Variants in PMS1 observed in about 807,000 individuals in gnomAD.
PMS1 encodes the protein PMS1 homolog 1, mismatch repair system component.
A neutral mutation model predicts 93.1 loss-of-function variants in PMS1; 79 were observed. The observed-to-expected ratio is 0.85, with a 90% CI of 0.71 to 1.02. PMS1 has a LOEUF of 1.02. Ranked by LOEUF, PMS1 falls within the 50% of genes least tolerant of loss-of-function variation. The pLI is 0.00. For synonymous variants in PMS1, 335 were observed against 363.4 expected, an observed-to-expected ratio of 0.92 and a Z score of 0.89; for missense variants, 1,064 against 1,085.3, an observed-to-expected ratio of 0.98 and a Z score of 0.28.
intron 5 of PMS1, among the ~76,000 whole-genome samples, chr2:189,836,881 G>A (rs542903072): frequency 1.3e-3 from 198 of 152,162 alleles, no homozygotes; most frequent in Middle Eastern, 3.4e-3. Context: ...ATCTTTTTAC[G>A]GTTGTGTATA....
intron 5 of PMS1, among the ~76,000 whole-genome samples, chr2:189,820,668 C>G (rs185080091): frequency 1.8e-3 from 278 of 152,174 alleles, no homozygotes; most frequent in African/African-American, 6.3e-3. Flanking sequence ...TCCCATGTTT[C>G]AGAACAGTTA....
intron 5 of PMS1, among the ~76,000 whole-genome samples, chr2:189,824,898 C>T (rs1170110903): frequency 6.6e-6 from 1 of 152,046 alleles, no homozygotes; most frequent in African/African-American, 2.4e-5. Flanking sequence ...TCTCTTTGAA[C>T]ATTGAGTCCT....
chr2:189,785,794 A>G (rs934149558), intron 1 of PMS1, among the ~76,000 whole-genome samples: 3 of 152,206 alleles, frequency 2.0e-5, no homozygotes, highest in Non-Finnish European at 2.9e-5. Flanking sequence ...AGAGAGAACC[A>G]TGTGAGCTGA....
Position 189,854,604 on chromosome 2 carries a change from A to C in PMS1, c.1332A>C (p.Val444=), listed in dbSNP as rs534243480. 1 of 1,613,906 alleles carries C rather than the reference A, an allele frequency of 6.2e-7. No individual in the cohort carries two copies. Among genetic ancestry groups the C allele is most frequent in the African/African-American group, 1.3e-5 (1 of 75,044 alleles). The part of the protein sequence containing the change: ...NAFQDISMSN[V]SWENSQTEYS... ...TTCAGGACATTTCAATGAGTAATGT[A>C]TCATGGGAGAACTCTCAGACGGAAT... Residue 444 remains valine (V), a synonymous_variant, in exon 9 of 13, where the codon GTA becomes GTC. Coordinates refer to ENST00000441310, the MANE Select transcript of PMS1 (RefSeq NM_000534.5).
chr2:189,826,200 A>G (rs1482334910), intron 5 of PMS1, among the ~76,000 whole-genome samples: 2 of 152,120 alleles, frequency 1.3e-5, no homozygotes, highest in Non-Finnish European at 2.9e-5. Context: ...CATTTGGACC[A>G]ATGTTAAGGG....
intron 5 of PMS1, among the ~76,000 whole-genome samples, chr2:189,820,841 A>T (rs1401844206): frequency 6.6e-6 from 1 of 152,194 alleles, no homozygotes; most frequent in African/African-American, 2.4e-5. Flanking sequence ...TATTAAAGCT[A>T]TGGTAGAATG....
intron 5 of PMS1, among the ~76,000 whole-genome samples, chr2:189,833,892 C>A (rs183133733): frequency 2.8e-4 from 42 of 152,262 alleles, no homozygotes; most frequent in Admixed American, 2.5e-3. Context: ...TCAGAGACCA[C>A]CACAATCTTC....
intron 5 of PMS1, among the ~76,000 whole-genome samples, chr2:189,843,425 A>G (rs2053983731): frequency 6.6e-6 from 1 of 152,192 alleles, no homozygotes; most frequent in South Asian, 2.1e-4. Context: ...TCTCTATTTC[A>G]AAGGTACAAA....
chr2:189,793,723 AT>A (rs1205060782), intron 2 of PMS1, among the ~76,000 whole-genome samples: 1 of 152,216 alleles, frequency 6.6e-6, no homozygotes, highest in Admixed American at 6.5e-5. Flanking sequence ...TAAGTTAAAT[AT>A]TTTAATCTGG....
intron 3 of PMS1, among the ~76,000 whole-genome samples, chr2:189,798,578 G>A (rs1376405474): frequency 2.0e-5 from 3 of 152,078 alleles, no homozygotes; most frequent in African/African-American, 4.8e-5. Flanking sequence ...GGCATTGTCC[G>A]TTTTTCTCCT....
intron 7 of PMS1, among the ~76,000 whole-genome samples, chr2:189,853,520 CTT>C (rs397976954): frequency 9.9e-5 from 14 of 141,314 alleles, no homozygotes; most frequent in Middle Eastern, 3.6e-3. Flanking sequence ...CTTTTCTTTT[CTT>C]TTTTTTTTTT....
At chr2:189,801,941 C>T (rs2049927940) in intron 3 of PMS1, among the ~76,000 whole-genome samples, 1 of 152,196 alleles carries the variant, frequency 6.6e-6, no homozygotes, top group Non-Finnish European at 1.5e-5. Context: ...TGCTATTCCA[C>T]ATTTTGGGGA....
In PMS1 at chr2:189,786,945, C is replaced by T. The variant is rs5742953; in HGVS notation, c.-21+2352C>T. ...GCGGGCACCTGTAATCCCAGCTACT[C>T]GGGAGGCTGAGGCAGGAGAATCGCT... On this transcript the variant is annotated intron_variant, in intron 1 of 12. Coordinates refer to ENST00000441310, the MANE Select transcript of PMS1 (RefSeq NM_000534.5). Among the ~76,000 whole-genome samples the T allele has an allele frequency of 2.4e-4, 36 of 152,050 alleles. No individual in the cohort carries two copies. The South Asian group carries it at 5.2e-3, about 22-fold the overall frequency.
At chr2:189,795,431 A>G (rs1389665141) in intron 2 of PMS1, among the ~76,000 whole-genome samples, 1 of 152,226 alleles carries the variant, frequency 6.6e-6, no homozygotes, top group Admixed American at 6.5e-5. Context: ...TGCATACCAA[A>G]GGTGTATGTA....
At chr2:189,788,478 A>G (rs943890235) in intron 1 of PMS1, among the ~76,000 whole-genome samples, 11 of 152,196 alleles carry the variant, frequency 7.2e-5, no homozygotes, top group Non-Finnish European at 1.5e-4. Context: ...AGAGAGTTTA[A>G]TTTCCTCAGT....
At chr2:189,851,058 T>C (rs1304473567) in intron 6 of PMS1, among the ~76,000 whole-genome samples, 1 of 152,228 alleles carries the variant, frequency 6.6e-6, no homozygotes, top group Non-Finnish European at 1.5e-5. Flanking sequence ...TGCACTGATT[T>C]GGTGTCTCAA....
At chr2:189,876,367 T>C (rs2057567661) in intron 12 of PMS1, among the ~76,000 whole-genome samples, 1 of 152,170 alleles carries the variant, frequency 6.6e-6, no homozygotes, top group African/African-American at 2.4e-5. Context: ...ACATTTGTAT[T>C]GGATCCAGCC....
intron 6 of PMS1, among the ~76,000 whole-genome samples, chr2:189,849,718 A>G (rs1376807270): frequency 6.6e-6 from 1 of 152,094 alleles, no homozygotes; most frequent in African/African-American, 2.4e-5. Context: ...CAGGTATCAT[A>G]TTAGTAATGC....
At chr2:189,857,950 G>A (rs536895608) in intron 9 of PMS1, among the ~76,000 whole-genome samples, 9 of 152,074 alleles carry the variant, frequency 5.9e-5, no homozygotes, top group African/African-American at 1.9e-4. Context: ...GAAGGAACAT[G>A]GTGTTATTAA....
Sources: gnomAD v4.1 joint callset for allele counts (sites outside exome capture counted in the v4.1 genomes callset) on GRCh38, gnomAD v4.1.1 for gene constraint, MANE v1.5 for transcripts, NCBI Gene and HGNC (gene_info 2026-07-23, HGNC 2026-07-21) for gene names.